TET2: variants seen among roughly 807,000 people sequenced by gnomAD.
TET2 encodes methylcytosine dioxygenase TET2.
TET2 carries 299 observed loss-of-function variants against 142.9 expected under a neutral mutation model. The observed-to-expected ratio is 2.09, with a 90% CI of 1.90 to 2.30. The LOEUF is 2.30. Ranked by LOEUF, TET2 falls within the 30% of genes most tolerant of loss-of-function variation. TET2 has a pLI of 0.00. For synonymous variants in TET2, 819 were observed against 849.0 expected, an observed-to-expected ratio of 0.96 and a Z score of 0.61; for missense variants, 2,418 against 2,378.0, an observed-to-expected ratio of 1.02 and a Z score of -0.35.
intron 6 of TET2, among the ~76,000 whole-genome samples, chr4:105,256,165 A>G (rs1730119801): frequency 6.6e-6 from 1 of 152,188 alleles, no homozygotes; most frequent in Non-Finnish European, 1.5e-5. Context: ...ACAAAAAAAT[A>G]CATATATGAT....
At chr4:105,171,788 A>G (rs1286246513) in intron 1 of TET2, 1 of 152,256 alleles carries the variant, frequency 6.6e-6, no homozygotes, top group Non-Finnish European at 1.5e-5. Flanking sequence ...GTAAACCTAC[A>G]GAAACAGACT....
In TET2 at chr4:105,235,325, G is replaced by C; in HGVS notation, c.1383G>C (p.Gln461His). ...GTAAACCTGAGGCACCACCTTCCCA[G>C]AGTCCTAATCCATCTACACATGTAT... ...IEGKPEAPPS[Q>H]SPNPSTHVCS... is the part of the protein sequence containing the mutation. Residue 461 changes from glutamine to histidine, a missense_variant, in exon 3 of 11, where the codon CAG (glutamine) becomes CAC (histidine). Physicochemically the swap from Gln to His is conservative, Grantham distance 24. Coordinates refer to ENST00000380013, the MANE Select transcript of TET2 (RefSeq NM_001127208.3). 6.2e-7 allele frequency: 1 copy of C among 1,614,072 alleles called. No individual in the cohort carries two copies. Among genetic ancestry groups the C allele is most frequent in the Non-Finnish European group, 8.5e-7 (1 of 1,179,988 alleles).
Position 105,233,952 on chromosome 4 carries a change from GA to G in TET2, c.11del (p.Asp4ValfsTer11). On this transcript the variant is annotated frameshift_variant, in exon 3 of 11. Coordinates refer to ENST00000380013, the MANE Select transcript of TET2 (RefSeq NM_001127208.3). LOFTEE classifies it high-confidence loss of function. MEQ[D>X]RTNHVEGNRL... is the part of the protein sequence containing the mutation. ...CCCCGAAGCAAGCCTGATGGAACAG[GA>G]TAGAACCAACCATGTTGAGGGCAAC... The G allele has an allele frequency of 6.2e-7, 1 of 1,613,792 alleles. No homozygotes were observed. Among genetic ancestry groups the G allele is most frequent in the East Asian group, 2.2e-5 (1 of 44,850 alleles).
intron 1 of TET2, among the ~76,000 whole-genome samples, chr4:105,147,197 T>C (rs553226097): frequency 6.6e-5 from 10 of 152,234 alleles, no homozygotes; most frequent in Non-Finnish European, 1.2e-4. Flanking sequence ...CTGTGTTCTC[T>C]TCTCTCCTCC....
intron 2 of TET2, among the ~76,000 whole-genome samples, chr4:105,223,367 T>A (rs1329555581): frequency 6.6e-6 from 1 of 152,134 alleles, no homozygotes; most frequent in African/African-American, 2.4e-5. Flanking sequence ...ATTTAAATAT[T>A]AAATAATGTT....
chr4:105,243,956 A>G (rs138871464), intron 6 of TET2, among the ~76,000 whole-genome samples, 178 bp downstream of exon 6: 141 of 152,356 alleles, frequency 9.3e-4, no homozygotes, highest in South Asian at 1.7e-3. Flanking sequence ...ACTTGAGATG[A>G]TTTCATTATC....
intron 6 of TET2, 63 bp downstream of exon 6, chr4:105,243,841 T>C: frequency 1.4e-6 from 2 of 1,451,780 alleles, no homozygotes; most frequent in Admixed American, 2.0e-5. Flanking sequence ...CAATCTTTGG[T>C]TGAAAGGAAG....
At position 105,275,542 on chromosome 4, in the gene TET2, C is replaced by CT. The variant is rs1260584815; in HGVS notation, c.5035dup (p.Tyr1679LeufsTer8). 6.4e-7 allele frequency: 1 copy of CT among 1,551,570 alleles called. No individual in the cohort carries two copies. The highest frequency in any genetic ancestry group is 8.7e-7 in the Non-Finnish European group (1 of 1,146,982). Reference sequence around the variant, plus strand: ...GCTCAGTCTACCACCCATCCATACACTTTACCAGCCAAGGTTTGGAAATAG... The same window carrying CT: ...GCTCAGTCTACCACCCATCCATACACTTTTACCAGCCAAGGTTTGGAAATAG... On this transcript the variant is annotated frameshift_variant, in exon 11 of 11. Transcript: ENST00000380013. LOFTEE classifies it low-confidence loss of function (END_TRUNC).
intron 2 of TET2, among the ~76,000 whole-genome samples, chr4:105,213,398 T>G (rs1254737350): frequency 6.6e-6 from 1 of 152,208 alleles, no homozygotes; most frequent in African/African-American, 2.4e-5. Context: ...CAAATTGAGT[T>G]TGAAACTTAC....
At chr4:105,243,935 T>C (rs1729451574) in intron 6 of TET2, among the ~76,000 whole-genome samples, 157 bp downstream of exon 6, 1 of 152,254 alleles carries the variant, frequency 6.6e-6, no homozygotes, top group Non-Finnish European at 1.5e-5. Context: ...TTGTATTTGC[T>C]AATGTGAATA....
chr4:105,237,844 A>C, intron 3 of TET2: 3 of 1,087,798 alleles, frequency 2.8e-6, no homozygotes, highest in South Asian at 7.1e-5. Flanking sequence ...GAGTTGGGGG[A>C]AATGATAATG....
chr4:105,185,227 G>A (rs1469459717), intron 1 of TET2, among the ~76,000 whole-genome samples: 1 of 151,600 alleles, frequency 6.6e-6, no homozygotes, highest in East Asian at 1.9e-4. Context: ...GCTTTGAAAT[G>A]TAGAATTATT....
At chr4:105,156,484 C>G (rs187372287) in intron 1 of TET2, among the ~76,000 whole-genome samples, 1 of 152,156 alleles carries the variant, frequency 6.6e-6, no homozygotes, top group Non-Finnish European at 1.5e-5. Context: ...TTACAGTTGT[C>G]GTGCCTCATT....
intron 6 of TET2, among the ~76,000 whole-genome samples, chr4:105,246,214 T>C (rs1164423580): frequency 6.6e-6 from 1 of 152,184 alleles, no homozygotes; most frequent in Non-Finnish European, 1.5e-5. Context: ...TAGGCCACCA[T>C]GCCCAGCCAG....
At chr4:105,194,745 G>A (rs1725982177) in intron 2 of TET2, among the ~76,000 whole-genome samples, 1 of 152,094 alleles carries the variant, frequency 6.6e-6, no homozygotes, top group Admixed American at 6.6e-5. Flanking sequence ...CTACTTATCA[G>A]TTGTTTTTTA....
chr4:105,165,249 G>A (rs1724092386), intron 1 of TET2, among the ~76,000 whole-genome samples: 1 of 152,016 alleles, frequency 6.6e-6, no homozygotes, highest in African/African-American at 2.4e-5. Flanking sequence ...GGTGGTGGGC[G>A]CCTGTAATTC....
intron 1 of TET2, among the ~76,000 whole-genome samples, chr4:105,186,963 T>C (rs747542704): frequency 6.6e-6 from 1 of 152,218 alleles, no homozygotes; most frequent in Non-Finnish European, 1.5e-5. Context: ...CACCTCTTTT[T>C]ACTAAAGGGG....
At chr4:105,272,274 A>T (rs890996293) in intron 9 of TET2, among the ~76,000 whole-genome samples, 3 of 152,208 alleles carry the variant, frequency 2.0e-5, no homozygotes, top group Non-Finnish European at 4.4e-5. Flanking sequence ...GCTTCTTCCC[A>T]TAGACAGAAA....
intron 2 of TET2, among the ~76,000 whole-genome samples, chr4:105,227,533 A>G (rs969456958): frequency 7.5e-6 from 1 of 132,722 alleles, no homozygotes; most frequent in African/African-American, 4.0e-5. Context: ...TAGTTGCACA[A>G]TAGAGCAGTA....
Sources: allele counts gnomAD v4.1 joint callset (sites outside exome capture counted in the v4.1 genomes callset), GRCh38; gene constraint gnomAD v4.1.1; transcripts MANE v1.5; gene names NCBI Gene and HGNC (gene_info 2026-07-23, HGNC 2026-07-21).